RASGEF1C: variants seen among roughly 807,000 people sequenced by gnomAD.
RASGEF1C encodes RasGEF domain family member 1C.
RASGEF1C carries 27 observed loss-of-function variants against 58.1 expected under a neutral mutation model. The observed-to-expected ratio is 0.46, with a 90% CI of 0.34 to 0.64. The LOEUF (loss-of-function observed/expected upper bound fraction) is 0.64. Ranked by LOEUF, RASGEF1C falls within the 30% of genes least tolerant of loss-of-function variation. The probability of loss-of-function intolerance (pLI) is 0.01; values close to 1 mark genes in which losing one functional copy is unlikely to be tolerated. For missense variants in RASGEF1C, 502 were observed against 605.1 expected (o/e 0.83, Z 1.79); for synonymous variants, 243 against 246.3 (o/e 0.99, Z 0.13).
chr5:180,151,921 C>T (rs1385593840), intron 1 of RASGEF1C, among the ~76,000 whole-genome samples: 1 of 151,970 alleles, frequency 6.6e-6, no homozygotes, highest in African/African-American at 2.4e-5. Flanking sequence ...TATGAACAGA[C>T]ACTTCTCAAA....
intron 1 of RASGEF1C, among the ~76,000 whole-genome samples, chr5:180,146,747 A>T (rs1489743981): frequency 6.6e-6 from 1 of 152,184 alleles, no homozygotes; most frequent in Non-Finnish European, 1.5e-5. Flanking sequence ...TGTTTGCATC[A>T]TAAGGGATAT....
chr5:180,141,191 T>C (rs1409369966), intron 1 of RASGEF1C, among the ~76,000 whole-genome samples: 2 of 152,242 alleles, frequency 1.3e-5, no homozygotes, highest in Admixed American at 6.5e-5. Flanking sequence ...TCACTAACAA[T>C]GCGTTTTGAG....
chr5:180,165,632 C>T (rs1767008946), intron 1 of RASGEF1C, among the ~76,000 whole-genome samples: 1 of 147,666 alleles, frequency 6.8e-6, no homozygotes, highest in Admixed American at 6.8e-5. Context: ...GATTGTGCCA[C>T]AGCACTCCAG....
intron 1 of RASGEF1C, among the ~76,000 whole-genome samples, chr5:180,192,267 GA>G (rs1756177489): frequency 2.0e-5 from 3 of 152,112 alleles, no homozygotes; most frequent in Non-Finnish European, 4.4e-5. Context: ...CCATACAATG[GA>G]AACACAGCTC....
intron 12 of RASGEF1C, among the ~76,000 whole-genome samples, chr5:180,103,320 G>T (rs544021652): frequency 3.3e-5 from 5 of 152,080 alleles, no homozygotes; most frequent in Non-Finnish European, 7.4e-5. Flanking sequence ...CTTGTGATCC[G>T]CCCGCCTCGG....
intron 1 of RASGEF1C, among the ~76,000 whole-genome samples, chr5:180,196,290 A>C (rs1029706384): frequency 3.9e-5 from 6 of 152,138 alleles, no homozygotes. Context: ...ACTTGAGGTC[A>C]GGAGTTCAAG....
rs1766306128 is a variant in RASGEF1C, at chr5:180,128,600, T to C, written c.449A>G (p.Lys150Arg). The change falls in exon 5 of 14, where the codon AAG becomes AGG. Residue 150 changes from lysine to arginine, a missense_variant. Transcript: ENST00000361132. Reference sequence around the variant, plus strand: ...AGCCTGTAGGAGCTGATGCATCCTCTTCCGGTATGCCTGGTGGGTGGAAAG... The same window carrying C: ...AGCCTGTAGGAGCTGATGCATCCTCCTCCGGTATGCCTGGTGGGTGGAAAG... ...RIAPCDEAYR[K>R]RMHQLLQALH... The C allele has an allele frequency of 6.2e-7, 1 of 1,613,740 alleles. No individual in the cohort carries two copies. Among genetic ancestry groups the C allele is most frequent in the East Asian group, 2.2e-5 (1 of 44,876 alleles).
chr5:180,118,278 C>A (rs10061906), intron 10 of RASGEF1C, among the ~76,000 whole-genome samples: 23,729 of 152,014 alleles, frequency 0.16, 1,993 homozygotes, highest in South Asian at 0.27. Flanking sequence ...CCGCTGACTC[C>A]GGAGAAGAGA....
At chr5:180,123,692 A>G (rs1766212393) in intron 6 of RASGEF1C, among the ~76,000 whole-genome samples, 1 of 152,122 alleles carries the variant, frequency 6.6e-6, no homozygotes, top group East Asian at 1.9e-4. Context: ...AAGTAGATGG[A>G]AGGAAATAAT....
At position 180,168,553 on chromosome 5, in the gene RASGEF1C, C is replaced by T. The variant is rs1767055474; in HGVS notation, c.-6-30495G>A. Among the ~76,000 whole-genome samples the T allele has an allele frequency of 6.6e-6, 1 of 152,210 alleles. No individual in the cohort carries two copies. The highest frequency in any genetic ancestry group is 1.5e-5 in the Non-Finnish European group (1 of 68,030). On this transcript the variant is annotated intron_variant, in intron 1 of 13. Coordinates refer to ENST00000361132, the MANE Select transcript of RASGEF1C (RefSeq NM_175062.4). This position sits in a 1 kb window ranked among gnomAD's most constrained non-coding sequence, Gnocchi z 6.0. ...GCATTTCCGTCGTCGAGCCAGAAAGCTAGGGCTTTCCTTCCTTGGTTTTGC... is the reference window on the plus strand; with the variant it reads ...GCATTTCCGTCGTCGAGCCAGAAAGTTAGGGCTTTCCTTCCTTGGTTTTGC...
At chr5:180,136,687 G>A (rs1006349558) in intron 3 of RASGEF1C, 172 bp from the exon 4 acceptor site, 4 of 655,478 alleles carry the variant, frequency 6.1e-6, no homozygotes, top group East Asian at 2.9e-5. Flanking sequence ...GGGAGAGGAG[G>A]GGGGACGGAC....
chr5:180,106,136 G>C (rs1561728584), intron 12 of RASGEF1C, among the ~76,000 whole-genome samples: 1 of 152,196 alleles, frequency 6.6e-6, no homozygotes, highest in African/African-American at 2.4e-5. Flanking sequence ...GTTGACTGAG[G>C]GTAACTACAG....
chr5:180,179,022 G>GA (rs1767277447), intron 1 of RASGEF1C, among the ~76,000 whole-genome samples: 3 of 152,258 alleles, frequency 2.0e-5, no homozygotes, highest in Admixed American at 1.3e-4. Context: ...GGGCCGGGAG[G>GA]AGGCGGGTTT....
chr5:180,207,229 G>A (rs1220131399), intron 1 of RASGEF1C, among the ~76,000 whole-genome samples: 1 of 152,210 alleles, frequency 6.6e-6, no homozygotes, highest in Non-Finnish European at 1.5e-5. Flanking sequence ...AAACTCTTTC[G>A]GGGTGCATTG....
At chr5:180,190,367 G>C (rs936499976) in intron 1 of RASGEF1C, among the ~76,000 whole-genome samples, 1 of 151,472 alleles carries the variant, frequency 6.6e-6, no homozygotes, top group Non-Finnish European at 1.5e-5. Flanking sequence ...GCGGGCGCCT[G>C]TAGTCCCAGC....
Position 180,109,422 on chromosome 5 carries a change from C to A in RASGEF1C, c.1303+2035G>T, listed in dbSNP as rs193144639. On this transcript the variant is annotated intron_variant, in intron 12 of 13. Coordinates refer to ENST00000361132, the MANE Select transcript of RASGEF1C (RefSeq NM_175062.4). ...GCAGTGAGCCGAGATTGCGCCACTGCACTCCAGCCTGGGTGACAGAGCGAG... is the reference window on the plus strand; with the variant it reads ...GCAGTGAGCCGAGATTGCGCCACTGAACTCCAGCCTGGGTGACAGAGCGAG... Among the ~76,000 whole-genome samples, 1,382 of 152,196 alleles carry A rather than the reference C, an allele frequency of 9.1e-3. 26 individuals carry two copies. Among genetic ancestry groups the A allele is most frequent in the African/African-American group, 0.031 (1,298 of 41,514 alleles).
chr5:180,190,334 C>CA (rs1270602321), intron 1 of RASGEF1C, among the ~76,000 whole-genome samples: 2 of 151,610 alleles, frequency 1.3e-5, no homozygotes, highest in African/African-American at 2.4e-5. Context: ...AAAAACAAAA[C>CA]AAAAAATTAG....
chr5:180,150,368 T>C (rs573627615), intron 1 of RASGEF1C, among the ~76,000 whole-genome samples: 1 of 152,334 alleles, frequency 6.6e-6, no homozygotes, highest in South Asian at 2.1e-4. Flanking sequence ...ATGTAGTCTT[T>C]CTCAGGGACA....
rs143766917 is a variant in RASGEF1C, at chr5:180,131,547, G to A, written c.439-2937C>T. Among the ~76,000 whole-genome samples, 725 of 152,230 alleles carry A rather than the reference G, an allele frequency of 4.8e-3. 4 individuals are homozygous for A. The highest frequency in any genetic ancestry group is 8.1e-3 in the Non-Finnish European group (550 of 68,014). ...CTGTCAGGGAAATGATTCTGTTCACGTGCATCTCCTCTCCCTGGACCACAA... is the reference window on the plus strand; with the variant it reads ...CTGTCAGGGAAATGATTCTGTTCACATGCATCTCCTCTCCCTGGACCACAA... On this transcript the variant is annotated intron_variant, in intron 4 of 13. Coordinates refer to ENST00000361132, the MANE Select transcript of RASGEF1C (RefSeq NM_175062.4).
Sources: allele counts gnomAD v4.1 joint callset (sites outside exome capture counted in the v4.1 genomes callset), GRCh38; gene constraint gnomAD v4.1.1; non-coding constraint Gnocchi (gnomAD v3.1); transcripts MANE v1.5; gene names NCBI Gene and HGNC (gene_info 2026-07-23, HGNC 2026-07-21).